The following SLC8A1 variants were observed in gnomAD, a reference collection of about 807,000 sequenced individuals.
SLC8A1 encodes the protein sodium/calcium exchanger 1.
In SLC8A1, 18 loss-of-function variants were observed where a neutral mutation model predicts 68.3. The observed-to-expected ratio is 0.26, with a 90% CI of 0.18 to 0.39. The LOEUF is 0.39. Ranked by LOEUF, SLC8A1 falls within the 10% of genes least tolerant of loss-of-function variation. The pLI, the probability that SLC8A1 is intolerant of heterozygous loss-of-function variation, is 1.00. For synonymous variants in SLC8A1, 475 were observed against 415.5 expected (o/e 1.14, Z -1.74); for missense variants, 985 against 1,156.7 (o/e 0.85, Z 2.15).
At chr2:40,264,719 G>A (rs1211057872) in intron 2 of SLC8A1, among the ~76,000 whole-genome samples, 1 of 152,150 alleles carries the variant, frequency 6.6e-6, no homozygotes, top group African/African-American at 2.4e-5. Flanking sequence ...GTGAGGGAGA[G>A]GGATAGCATT....
At chr2:40,414,434 G>A (rs1219263238) in intron 2 of SLC8A1, among the ~76,000 whole-genome samples, 1 of 152,158 alleles carries the variant, frequency 6.6e-6, no homozygotes, top group East Asian at 1.9e-4. Flanking sequence ...TTGTACATCT[G>A]CTGAGTAACA....
At chr2:40,508,952 C>T (rs1003566788) in intron 1 of SLC8A1, among the ~76,000 whole-genome samples, 12 of 152,024 alleles carry the variant, frequency 7.9e-5, no homozygotes, top group African/African-American at 2.4e-4. Flanking sequence ...ACCTACCCTA[C>T]GTGATTTTCA....
intron 2 of SLC8A1, among the ~76,000 whole-genome samples, chr2:40,421,697 T>C (rs986610959): frequency 4.6e-5 from 7 of 152,134 alleles, no homozygotes; most frequent in Admixed American, 1.3e-4. Context: ...ATTCCCATAT[T>C]TAGCCCTGTG....
At chr2:40,323,969 T>A (rs978241560) in intron 2 of SLC8A1, among the ~76,000 whole-genome samples, 2 of 151,712 alleles carry the variant, frequency 1.3e-5, no homozygotes, top group Admixed American at 1.3e-4. Context: ...ATACTTAACT[T>A]ATAAATAGAG....
At chr2:40,282,043 CAA>C (rs780203215) in intron 2 of SLC8A1, among the ~76,000 whole-genome samples, 2 of 152,188 alleles carry the variant, frequency 1.3e-5, no homozygotes, top group Non-Finnish European at 2.9e-5. Context: ...CTCCCCCACA[CAA>C]GAGCGTACCT....
chr2:40,155,192 A>G (rs1317429717), intron 6 of SLC8A1, among the ~76,000 whole-genome samples: 2 of 151,806 alleles, frequency 1.3e-5, no homozygotes, highest in Admixed American at 6.6e-5. Context: ...TGCAGTGGTA[A>G]GATCTCTGCT....
intron 2 of SLC8A1, among the ~76,000 whole-genome samples, chr2:40,322,838 ACACACACACACAC>A (rs2075363228): frequency 6.6e-6 from 1 of 151,770 alleles, no homozygotes; most frequent in Non-Finnish European, 1.5e-5. Flanking sequence ...ACACACACAC[ACACACACACACAC>A]CACACACACC....
chr2:40,180,264 A>C (rs1355803433), intron 2 of SLC8A1, among the ~76,000 whole-genome samples: 1 of 152,176 alleles, frequency 6.6e-6, no homozygotes, highest in African/African-American at 2.4e-5. Flanking sequence ...CTGTGACTAA[A>C]CTAGAATATT....
chr2:40,432,423 G>GTA (rs1442679757), intron 1 of SLC8A1, among the ~76,000 whole-genome samples: 2 of 142,358 alleles, frequency 1.4e-5, no homozygotes, highest in African/African-American at 5.5e-5. Flanking sequence ...GTGTGTGTGT[G>GTA]TATGTGTCAG....
intron 7 of SLC8A1, among the ~76,000 whole-genome samples, 189 bp from the exon 11 acceptor site, chr2:40,115,818 A>C (rs41280643): frequency 0.097 from 14,722 of 152,214 alleles, 837 homozygotes; most frequent in African/African-American, 0.17. Context: ...TTGGGAGTTA[A>C]GGGTTCAGTG....
intron 2 of SLC8A1, among the ~76,000 whole-genome samples, chr2:40,180,575 G>A (rs762186149): frequency 3.9e-5 from 6 of 152,184 alleles, no homozygotes; most frequent in Non-Finnish European, 5.9e-5. Flanking sequence ...ATAGGGCCAC[G>A]CTACTGTTCT....
intron 2 of SLC8A1, among the ~76,000 whole-genome samples, chr2:40,416,488 C>G (rs1384737355): frequency 6.6e-6 from 1 of 152,188 alleles, no homozygotes; most frequent in Non-Finnish European, 1.5e-5. Flanking sequence ...TTTCCTCACA[C>G]TTTACTCTAA....
At chr2:40,297,884 T>C (rs2070719743) in intron 2 of SLC8A1, among the ~76,000 whole-genome samples, 1 of 152,114 alleles carries the variant, frequency 6.6e-6, no homozygotes. Flanking sequence ...TAACAATCTG[T>C]TTTTTGTTTT....
intron 2 of SLC8A1, among the ~76,000 whole-genome samples, chr2:40,328,337 C>T (rs11888123): frequency 0.47 from 71,964 of 151,928 alleles, 19,135 homozygotes; most frequent in African/African-American, 0.71. Flanking sequence ...CGACTTCCCC[C>T]GTTCCATTTG....
At chr2:40,486,574 A>T (rs1462361976) in intron 1 of SLC8A1, among the ~76,000 whole-genome samples, 1 of 152,194 alleles carries the variant, frequency 6.6e-6, no homozygotes, top group Admixed American at 6.5e-5. Flanking sequence ...TTTGATTTTT[A>T]AAATTGTTAC....
chr2:40,237,916 C>T (rs917614719), intron 2 of SLC8A1, among the ~76,000 whole-genome samples: 6 of 139,064 alleles, frequency 4.3e-5, no homozygotes, highest in East Asian at 4.0e-4. Flanking sequence ...TTAGGCTGCT[C>T]GGGGGTCAGG....
chr2:40,500,383 G>A (rs543905845), intron 1 of SLC8A1, among the ~76,000 whole-genome samples: 5 of 152,048 alleles, frequency 3.3e-5, no homozygotes, highest in South Asian at 2.1e-4. Flanking sequence ...TACTATAACC[G>A]TGGCTTCAAT....
chr2:40,286,156 C>T (rs2068272768), intron 2 of SLC8A1, among the ~76,000 whole-genome samples: 1 of 152,138 alleles, frequency 6.6e-6, no homozygotes. Flanking sequence ...GAATATAATT[C>T]CCTACTCTGG....
intron 2 of SLC8A1, among the ~76,000 whole-genome samples, chr2:40,280,848 T>C (rs929050175): frequency 2.0e-5 from 3 of 152,224 alleles, no homozygotes; most frequent in African/African-American, 7.2e-5. Context: ...AAGAATGTTT[T>C]GTGCAAAAGC....
Sources: gnomAD v4.1 joint callset for allele counts (sites outside exome capture counted in the v4.1 genomes callset) on GRCh38, gnomAD v4.1.1 for gene constraint, MANE v1.5 for transcripts, NCBI Gene and HGNC (gene_info 2026-07-23, HGNC 2026-07-21) for gene names.